The following RAD51B variants were observed in gnomAD, a reference collection of about 807,000 sequenced individuals.
RAD51B encodes DNA repair protein RAD51 homolog 2.
RAD51B carries 38 observed loss-of-function variants against 42.2 expected under a neutral mutation model. The ratio of observed to expected loss-of-function variants is 0.90; its 90% CI spans 0.70 to 1.18. The LOEUF is 1.18. RAD51B is among the 50% of genes most tolerant of loss of function. The probability of loss-of-function intolerance (pLI) is 0.00; values close to 1 mark genes in which losing one functional copy is unlikely to be tolerated. For missense variants in RAD51B, 373 were observed against 400.7 expected, an observed-to-expected ratio of 0.93 and a Z score of 0.59; for synonymous variants, 154 against 145.2, an observed-to-expected ratio of 1.06 and a Z score of -0.43.
At chr14:68,139,641 A>G (rs2078084361) in intron 7 of RAD51B, among the ~76,000 whole-genome samples, 2 of 152,278 alleles carry the variant, frequency 1.3e-5, no homozygotes, top group African/African-American at 2.4e-5. Context: ...ATTCTTCTCA[A>G]TCCCATCCCA....
chr14:67,927,184 C>T (rs921362930), intron 7 of RAD51B, among the ~76,000 whole-genome samples: 1 of 152,138 alleles, frequency 6.6e-6, no homozygotes, highest in Non-Finnish European at 1.5e-5. Flanking sequence ...TTAAATAGGA[C>T]ACCTTATATA....
intron 8 of RAD51B, among the ~76,000 whole-genome samples, chr14:68,381,094 T>C (rs1391384317): frequency 6.6e-6 from 1 of 152,218 alleles, no homozygotes; most frequent in Non-Finnish European, 1.5e-5. Flanking sequence ...TCCTGTTTTC[T>C]TTGTCCTGTC....
intron 11 of RAD51B, among the ~76,000 whole-genome samples, chr14:68,671,819 C>CA (rs112197030): frequency 0.3 from 43,085 of 145,136 alleles, 6,293 homozygotes; most frequent in Middle Eastern, 0.37. Flanking sequence ...GACTGGTTAT[C>CA]AAAAAAAAAA....
intron 5 of RAD51B, among the ~76,000 whole-genome samples, chr14:67,878,920 G>A (rs570431608): frequency 6.6e-6 from 1 of 152,254 alleles, no homozygotes; most frequent in Admixed American, 6.5e-5. Flanking sequence ...CGCCATGTTG[G>A]CCAGGCTGGT....
At chr14:68,468,087 C>T in intron 9 of RAD51B, 85 bp from the exon 10 acceptor site, 2 of 1,181,334 alleles carry the variant, frequency 1.7e-6, no homozygotes, top group Admixed American at 1.7e-5. Flanking sequence ...TATGTTACCA[C>T]TTTGTCTCAA....
At chr14:68,656,623 G>A (rs572963020) in intron 11 of RAD51B, among the ~76,000 whole-genome samples, 8 of 152,254 alleles carry the variant, frequency 5.3e-5, no homozygotes, top group Admixed American at 2.0e-4. Context: ...CCCAGAGCTC[G>A]CTCTCAGGGT....
At chr14:68,262,306 G>A (rs1035326418) in intron 7 of RAD51B, among the ~76,000 whole-genome samples, 5 of 151,996 alleles carry the variant, frequency 3.3e-5, no homozygotes, top group South Asian at 2.1e-4. Flanking sequence ...TGGCTGAGGG[G>A]ACCTGAGATA....
intron 8 of RAD51B, among the ~76,000 whole-genome samples, chr14:68,354,957 G>A (rs2082869648): frequency 6.6e-6 from 1 of 152,142 alleles, no homozygotes; most frequent in African/African-American, 2.4e-5. Context: ...TCTGTGAAAT[G>A]AGAAGATAAT....
intron 9 of RAD51B, among the ~76,000 whole-genome samples, chr14:68,447,306 A>G (rs2085443520): frequency 1.3e-5 from 2 of 152,222 alleles, no homozygotes; most frequent in Admixed American, 1.3e-4. Flanking sequence ...GAGAACCTGT[A>G]TTGTTAAGTT....
At chr14:68,645,658 C>T (rs533638754) in intron 10 of RAD51B, among the ~76,000 whole-genome samples, 1 of 152,292 alleles carries the variant, frequency 6.6e-6, no homozygotes, top group African/African-American at 2.4e-5. Context: ...TTCTTACCAA[C>T]ACCTGTTTTT....
rs2078867818 is a variant in RAD51B, at chr14:68,171,360, A to C, written c.757-120524A>C. 2.0e-5 allele frequency among the ~76,000 whole-genome samples: 3 copies of C among 151,576 alleles called. No individual in the cohort carries two copies. The South Asian group carries it at 6.3e-4, about 32-fold the overall frequency. The stretch of plus-strand genomic sequence containing the variant: ...GTTGCCCAGTCTGGAGTGCAATGGC[A>C]GCAATCTCAGCTCACTGCAACCTCT... On this transcript the variant is annotated intron_variant, in intron 7 of 10. Transcript: ENST00000471583.
At chr14:68,202,605 G>A (rs7493976) in intron 7 of RAD51B, among the ~76,000 whole-genome samples, 3,234 of 131,012 alleles carry the variant, frequency 0.025, 164 homozygotes, top group African/African-American at 0.089. Context: ...TTTTTGAGAC[G>A]GAGTTTTGCT....
chr14:68,660,565 A>G (rs1032363844), intron 11 of RAD51B, among the ~76,000 whole-genome samples: 8 of 152,210 alleles, frequency 5.3e-5, no homozygotes, highest in African/African-American at 1.9e-4. Flanking sequence ...CCTGGTGCAG[A>G]GCCTGGGCAG....
intron 7 of RAD51B, among the ~76,000 whole-genome samples, chr14:68,228,086 A>T (rs1223627211): frequency 6.6e-6 from 1 of 152,150 alleles, no homozygotes; most frequent in Non-Finnish European, 1.5e-5. Flanking sequence ...GAGACTAAGG[A>T]AGGTAAATAA....
At chr14:68,319,717 T>G (rs1223461827) in intron 8 of RAD51B, among the ~76,000 whole-genome samples, 2 of 152,228 alleles carry the variant, frequency 1.3e-5, no homozygotes, top group Non-Finnish European at 2.9e-5. Context: ...CTTTGAAATC[T>G]AAAGTGCTTA....
chr14:68,266,886 T>C (rs2081002356), intron 7 of RAD51B, among the ~76,000 whole-genome samples: 1 of 152,254 alleles, frequency 6.6e-6, no homozygotes, highest in Non-Finnish European at 1.5e-5. Context: ...TAAAAATATA[T>C]AAACATTATT....
chr14:68,441,419 G>T (rs1566886424), intron 9 of RAD51B, among the ~76,000 whole-genome samples: 1 of 142,516 alleles, frequency 7.0e-6, no homozygotes, highest in Non-Finnish European at 1.5e-5. Flanking sequence ...GCAGGCACCT[G>T]TAGTCCCAGC....
intron 4 of RAD51B, among the ~76,000 whole-genome samples, chr14:67,843,156 TTTATTA>T (rs1368160354): frequency 6.6e-6 from 1 of 151,864 alleles, no homozygotes; most frequent in Non-Finnish European, 1.5e-5. Flanking sequence ...TTTTTAAAAT[TTTATTA>T]TTATTATACT....
intron 7 of RAD51B, among the ~76,000 whole-genome samples, chr14:67,986,992 A>G (rs1341147667): frequency 6.6e-6 from 1 of 152,176 alleles, no homozygotes; most frequent in African/African-American, 2.4e-5. Flanking sequence ...TTGGCCTCCC[A>G]GTGTGCTGGG....
Sources: gnomAD v4.1 joint callset for allele counts (sites outside exome capture counted in the v4.1 genomes callset) on GRCh38, gnomAD v4.1.1 for gene constraint, MANE v1.5 for transcripts, NCBI Gene and HGNC (gene_info 2026-07-23, HGNC 2026-07-21) for gene names.